Variants in C8orf74 observed in about 807,000 individuals in gnomAD.
The protein encoded by C8orf74 is uncharacterized protein C8orf74.
Under a neutral mutation model 22.2 loss-of-function variants are expected in C8orf74, and 29 were observed. The ratio of observed to expected loss-of-function variants is 1.31; its 90% CI spans 0.97 to 1.78. The LOEUF is 1.78. Among genes scored for constraint, C8orf74 ranks in the 40% most tolerant of loss-of-function variants. The probability of loss-of-function intolerance (pLI) is 0.00; values close to 1 mark genes in which losing one functional copy is unlikely to be tolerated. For synonymous variants in C8orf74, 255 were observed against 163.1 expected, an observed-to-expected ratio of 1.56 and a Z score of -4.30; for missense variants, 515 against 369.9, an observed-to-expected ratio of 1.39 and a Z score of -3.22.
intron 2 of C8orf74, chr8:10,690,750 G>C (rs1433343040): frequency 2.4e-6 from 1 of 409,486 alleles, no homozygotes; most frequent in South Asian, 1.8e-5. Flanking sequence ...GAGCCCCCTG[G>C]TCCGAGCCGT....
chr8:10,675,739 T>C (rs1411037340), intron 2 of C8orf74: 1 of 152,168 alleles, frequency 6.6e-6, no homozygotes, highest in Non-Finnish European at 1.5e-5. Context: ...CAAAGACTCA[T>C]GGCCCGAATC....
At chr8:10,696,895 C>T (rs1311975752) in intron 2 of C8orf74, among the ~76,000 whole-genome samples, 1 of 149,606 alleles carries the variant, frequency 6.7e-6, no homozygotes, top group Non-Finnish European at 1.5e-5. Flanking sequence ...TGTGGTGGTT[C>T]ACTCTTGTAA....
chr8:10,699,074 C>G (rs566634811), intron 3 of C8orf74, among the ~76,000 whole-genome samples: 1 of 152,320 alleles, frequency 6.6e-6, no homozygotes, highest in South Asian at 2.1e-4. Flanking sequence ...AAAGACCCAA[C>G]AAAACCCACG....
In C8orf74 at chr8:10,685,455, T is replaced by C. The variant is rs542238036; in HGVS notation, c.241+10617T>C. Among the ~76,000 whole-genome samples the C allele has an allele frequency of 8.5e-5, 13 of 152,332 alleles. No homozygotes were observed. The East Asian group carries it at 2.5e-3, about 29-fold the overall frequency. ...ATCTATCCATACAATGGAATATCATTCAGCCTTACAAAGGAAGGCAATTCT... is the reference window on the plus strand; with the variant it reads ...ATCTATCCATACAATGGAATATCATCCAGCCTTACAAAGGAAGGCAATTCT... On this transcript the variant is annotated intron_variant, in intron 2 of 3. Coordinates refer to ENST00000304519, the MANE Select transcript of C8orf74 (RefSeq NM_001040032.2).
chr8:10,678,654 G>C (rs1376215594), intron 2 of C8orf74, among the ~76,000 whole-genome samples: 1 of 151,780 alleles, frequency 6.6e-6, no homozygotes, highest in Non-Finnish European at 1.5e-5. Flanking sequence ...CAAGATGGGA[G>C]ACAAATGAGA....
At position 10,694,954 on chromosome 8, in the gene C8orf74, G is replaced by A. The variant is rs138086259; in HGVS notation, c.242-2645G>A. On this transcript the variant is annotated intron_variant, in intron 2 of 3. Transcript: ENST00000304519. Reference sequence around the variant, plus strand: ...TGGATGGTTGGGTGCATAGATGGGTGGGTGGAAGGATGGACGGATGGATGG... The same window carrying A: ...TGGATGGTTGGGTGCATAGATGGGTAGGTGGAAGGATGGACGGATGGATGG... Among the ~76,000 whole-genome samples, 606 of 151,932 alleles carry A rather than the reference G, an allele frequency of 4.0e-3. 3 individuals are homozygous for A. The highest frequency in any genetic ancestry group is 0.022 in the South Asian group (108 of 4,802).
chr8:10,673,960 T>C (rs1394737360), intron 1 of C8orf74, among the ~76,000 whole-genome samples: 3 of 101,762 alleles, frequency 2.9e-5, no homozygotes, highest in African/African-American at 4.0e-5. Flanking sequence ...CCGACCCCCA[T>C]ATCATATCCC....
intron 2 of C8orf74, among the ~76,000 whole-genome samples, chr8:10,696,629 G>C (rs1305156694): frequency 6.6e-6 from 1 of 151,692 alleles, no homozygotes; most frequent in Non-Finnish European, 1.5e-5. Context: ...TGTATTTCTA[G>C]TAGAGACGGG....
intron 2 of C8orf74, chr8:10,679,908 C>G (rs1467648899): frequency 6.6e-6 from 1 of 152,666 alleles, no homozygotes; most frequent in East Asian, 1.9e-4. Context: ...ACAGGCCTCC[C>G]TGGAGTCCTC....
intron 3 of C8orf74, among the ~76,000 whole-genome samples, chr8:10,699,509 T>C (rs1462525226): frequency 6.6e-6 from 1 of 152,222 alleles, no homozygotes; most frequent in African/African-American, 2.4e-5. Flanking sequence ...CCCCTGACAA[T>C]AGCTCCTATG....
Position 10,700,495 on chromosome 8 carries a change from C to A in C8orf74, c.*24C>A. 1 of 1,455,930 alleles carries A rather than the reference C, an allele frequency of 6.9e-7. No homozygotes were observed. Among genetic ancestry groups the A allele is most frequent in the Non-Finnish European group, 9.3e-7 (1 of 1,076,910 alleles). 90.2% of individuals were successfully genotyped at this position (1,455,930 alleles called of 1,614,324 possible). A position where few individuals can be genotyped will look rare whatever the true frequency, so the allele number is the denominator to read the frequency against. On this transcript the variant is annotated 3_prime_UTR_variant, in exon 4 of 4. Coordinates refer to ENST00000304519, the MANE Select transcript of C8orf74 (RefSeq NM_001040032.2). ...AGAAGGTCCCGACTGCCACACGAGA[C>A]TGACTGGGGACCAGCCACCCATAAC...
chr8:10,675,379 C>A (rs191640104), intron 2 of C8orf74, among the ~76,000 whole-genome samples: 14 of 152,348 alleles, frequency 9.2e-5, no homozygotes, highest in African/African-American at 3.4e-4. Context: ...ACTCCACCCA[C>A]CTCTTGGGCA....
At chr8:10,672,906 G>A (rs1245513256) in intron 1 of C8orf74, among the ~76,000 whole-genome samples, 193 bp downstream of exon 1, 1 of 152,156 alleles carries the variant, frequency 6.6e-6, no homozygotes, top group East Asian at 1.9e-4. Flanking sequence ...GACCTTGTGG[G>A]CTGTTTTTCA....
intron 3 of C8orf74, among the ~76,000 whole-genome samples, chr8:10,699,028 G>A (rs1799594916): frequency 1.3e-5 from 2 of 151,994 alleles, no homozygotes; most frequent in Non-Finnish European, 1.5e-5. Flanking sequence ...AGCACATCAG[G>A]GGGCCATGTG....
Position 10,698,016 on chromosome 8 carries a change from G to GC in C8orf74, c.648+17dup. 4 of 1,456,652 alleles carry GC rather than the reference G, an allele frequency of 2.7e-6. No homozygotes were observed. Among genetic ancestry groups the GC allele is most frequent in the African/African-American group, 1.4e-5 (1 of 71,016 alleles). The allele number at this position is 1,456,652 out of a possible 1,614,324, so 90.2% of individuals were successfully genotyped here. ...GTCCTGGAGAGACAGGTGAGGCTCT[G>GC]CCCCCCTGCCGTGGGTGGGCACCTG... On this transcript the variant is annotated intron_variant, in intron 3 of 3. Coordinates refer to ENST00000304519, the MANE Select transcript of C8orf74 (RefSeq NM_001040032.2).
At chr8:10,690,255 G>A (rs913526187) in intron 2 of C8orf74, among the ~76,000 whole-genome samples, 11 of 152,262 alleles carry the variant, frequency 7.2e-5, no homozygotes, top group Admixed American at 1.3e-4. Flanking sequence ...CAGACTCACC[G>A]TGCTGGGAGC....
intron 2 of C8orf74, among the ~76,000 whole-genome samples, chr8:10,675,102 T>C (rs1799005706): frequency 6.6e-6 from 1 of 152,236 alleles, no homozygotes; most frequent in Non-Finnish European, 1.5e-5. Context: ...GGGTGTTTGC[T>C]TTTGTTTTGT....
chr8:10,681,426 G>C (rs1184319898), intron 2 of C8orf74, among the ~76,000 whole-genome samples: 2 of 152,148 alleles, frequency 1.3e-5, no homozygotes, highest in African/African-American at 4.8e-5. Context: ...CACAGGAAGG[G>C]GGCACAGTTT....
chr8:10,700,367 G>GCCCCCCCCCCCATACCCCC lies in C8orf74; in HGVS notation c.786_787insCCCCCCATACCCCCCCCCC (p.Thr263ProfsTer63). The stretch of plus-strand genomic sequence containing the variant: ...TCAGAAGAAGACTCTGAACCTCAAC[G>GCCCCCCCCCCCATACCCCC]CCCCCACCCCTATCCCGCCCCCCAT... On this transcript the variant is annotated frameshift_variant, in exon 4 of 4. Coordinates refer to ENST00000304519, the MANE Select transcript of C8orf74 (RefSeq NM_001040032.2). LOFTEE classifies it low-confidence loss of function (END_TRUNC). The GCCCCCCCCCCCATACCCCC allele has an allele frequency of 1.3e-6, 2 of 1,590,888 alleles. No homozygotes were observed. The highest frequency in any genetic ancestry group is 2.2e-5 in the East Asian group (1 of 44,560).
Sources: allele counts gnomAD v4.1 joint callset (sites outside exome capture counted in the v4.1 genomes callset), GRCh38; gene constraint gnomAD v4.1.1; transcripts MANE v1.5; gene names NCBI Gene and HGNC (gene_info 2026-07-23, HGNC 2026-07-21).